Variants in TTBK1 observed in about 807,000 individuals in gnomAD.
TTBK1 encodes tau tubulin kinase 1.
Under a neutral mutation model 108.5 loss-of-function variants are expected in TTBK1, and 34 were observed. The ratio of observed to expected loss-of-function variants is 0.31; its 90% CI spans 0.24 to 0.42. The LOEUF (loss-of-function observed/expected upper bound fraction) is 0.42. Among genes scored for constraint, TTBK1 ranks in the 10% least tolerant of loss-of-function variants. The pLI is 1.00. For missense variants in TTBK1, 1,539 were observed against 1,826.0 expected (o/e 0.84, Z 2.86); for synonymous variants, 809 against 795.1 (o/e 1.02, Z -0.29).
intron 13 of TTBK1, chr6:43,270,413 T>TGG (rs1469282165): frequency 4.6e-6 from 4 of 876,804 alleles, no homozygotes; most frequent in African/African-American, 5.1e-5. Context: ...CCTCCTTGCA[T>TGG]GGTGTGTGTG....
intron 13 of TTBK1, among the ~76,000 whole-genome samples, chr6:43,280,314 A>T (rs929764580): frequency 1.3e-5 from 2 of 152,110 alleles, no homozygotes; most frequent in African/African-American, 4.8e-5. Context: ...TATTCCCCAT[A>T]GGTGTGGCAT....
At position 43,269,507 on chromosome 6, in the gene TTBK1, C is replaced by T; in HGVS notation, c.1986+6157C>T. ...TGGGGCGGGTGGTTTGCACCCTCCT[C>T]CACCCTGCCTGACCCCGCCCACTTG... On this transcript the variant is annotated intron_variant, in intron 13 of 14. Transcript: ENST00000259750. This position sits in a 1 kb window ranked among gnomAD's most constrained non-coding sequence, Gnocchi z 4.8. The T allele has an allele frequency of 9.8e-7, 1 of 1,019,362 alleles. No individual in the cohort carries two copies. The highest frequency in any genetic ancestry group is 1.4e-6 in the Non-Finnish European group (1 of 730,196). The allele number at this position is 1,019,362 out of a possible 1,614,324, so 63.1% of individuals were successfully genotyped here. A position where few individuals can be genotyped will look rare whatever the true frequency, so the allele number is the denominator to read the frequency against.
chr6:43,263,264 A>T lies in TTBK1; in HGVS notation c.1900A>T (p.Thr634Ser), dbSNP rs367727093. The T allele has an allele frequency of 4.7e-5, 72 of 1,540,120 alleles. 1 individual carries two copies. The African/African-American group carries it at 8.9e-4, about 19-fold the overall frequency. The change falls in exon 13 of 15, where the codon ACG (threonine) becomes TCG (serine). Residue 634 changes from threonine (T) to serine (S), a missense_variant. Thr to Ser is a moderately conservative substitution (Grantham distance 58). Around this residue, in one of 5 missense-constraint regions of TTBK1, gnomAD observed 1,055 missense variants for 1,086.5 expected, o/e 0.97. Transcript: ENST00000259750. This position sits in a 1 kb window ranked among gnomAD's most constrained non-coding sequence, Gnocchi z 4.7. ...CCGTTCCGAGACGTCACAGCCCCCC[A>T]CGCCTGGCAGCCCTTCCCACTCACC... ...DGRSETSQPP[T>S]PGSPSHSPLH...
Position 43,259,889 on chromosome 6 carries a change from G to T in TTBK1, c.1424+183G>T, listed in dbSNP as rs370804677. ...AGAGACAGGGCCTGGGAGAACCAGT[G>T]GGGGATCCAGAGAGGTCCCGGCTCA... On this transcript the variant is annotated intron_variant, in intron 12 of 14. Transcript: ENST00000259750. The surrounding 1 kb of genome is among the most constrained non-coding windows in gnomAD (Gnocchi z 6.7). Among the ~76,000 whole-genome samples, 1 of 152,204 alleles carries T rather than the reference G, an allele frequency of 6.6e-6. No homozygotes were observed. The highest frequency in any genetic ancestry group is 2.1e-4 in the South Asian group (1 of 4,828).
At chr6:43,278,084 G>A (rs1217049046) in intron 13 of TTBK1, among the ~76,000 whole-genome samples, 1 of 152,172 alleles carries the variant, frequency 6.6e-6, no homozygotes, top group East Asian at 1.9e-4. Context: ...GGGCTGGCTG[G>A]GGTCCAGGCA....
At position 43,283,266 on chromosome 6, in the gene TTBK1, C is replaced by A. The variant is rs754151759; in HGVS notation, c.2526C>A (p.Gly842=). The stretch of plus-strand genomic sequence containing the variant: ...AAACGCTGGTGCTTGTCTCTCCTGG[C>A]GACATGAAGAAGTCGCCCGTCACTG... ...GSKTLVLVSP[G]DMKKSPVTAE... The change falls in exon 14 of 15, where the codon GGC becomes GGA. Residue 842 remains glycine, a synonymous_variant. Coordinates refer to ENST00000259750, the MANE Select transcript of TTBK1 (RefSeq NM_032538.3). The surrounding 1 kb of genome is among the most constrained non-coding windows in gnomAD (Gnocchi z 8.1). The A allele has an allele frequency of 2.6e-6, 4 of 1,556,444 alleles. No homozygotes were observed. The South Asian group carries it at 3.5e-5, about 14-fold the overall frequency.
rs748282965 is a variant in TTBK1, at chr6:43,283,936, G to T, written c.3196G>T (p.Gly1066Cys). The T allele has an allele frequency of 8.1e-6, 13 of 1,612,956 alleles. No individual in the cohort carries two copies. Among genetic ancestry groups the T allele is most frequent in the Non-Finnish European group, 1.0e-5 (12 of 1,179,424 alleles). ...IPVLLSEEDT[G>C]SEPSGSLSAK... Reference sequence around the variant, plus strand: ...TGTCCTGCTCTCTGAGGAGGACACGGGCTCGGAGCCCTCAGGCTCACTGTC... The same window carrying T: ...TGTCCTGCTCTCTGAGGAGGACACGTGCTCGGAGCCCTCAGGCTCACTGTC... Residue 1066 changes from glycine to cysteine, a missense_variant, in exon 14 of 15, where the codon GGC (glycine) becomes TGC (cysteine). Coordinates refer to ENST00000259750, the MANE Select transcript of TTBK1 (RefSeq NM_032538.3). This position sits in a 1 kb window ranked among gnomAD's most constrained non-coding sequence, Gnocchi z 8.1.
At position 43,246,656 on chromosome 6, in the gene TTBK1, G is replaced by A. The variant is rs765507608; in HGVS notation, c.-5G>A. 1.9e-6 allele frequency: 3 copies of A among 1,595,818 alleles called. No homozygotes were observed. The highest frequency in any genetic ancestry group is 2.6e-6 in the Non-Finnish European group (3 of 1,170,256). ...CCGGCGGACACCCCTCCCTCTGGCT[G>A]GCGGATGCAGTGCCTAGCGGCCGCC... is the stretch of plus-strand genomic sequence containing the variant. On this transcript the variant is annotated 5_prime_UTR_variant, in exon 2 of 15. Transcript: ENST00000259750.
rs1322076695 is a variant in TTBK1 at position 43,263,184 on chromosome 6, A to G, written c.1820A>G (p.Asp607Gly). 1 of 1,580,878 alleles carries G rather than the reference A, an allele frequency of 6.3e-7. No individual in the cohort carries two copies. Among genetic ancestry groups the G allele is most frequent in the African/African-American group, 1.3e-5 (1 of 74,374 alleles). The change falls in exon 13 of 15, where the codon GAC (aspartate) becomes GGC (glycine). Residue 607 changes from aspartate to glycine, a missense_variant. Physicochemically the swap from Asp to Gly is moderately conservative, Grantham distance 94 (BLOSUM62 -1). Coordinates refer to ENST00000259750, the MANE Select transcript of TTBK1 (RefSeq NM_032538.3). This position sits in a 1 kb window ranked among gnomAD's most constrained non-coding sequence, Gnocchi z 4.7. ...GRSMQALAEE[D>G]LQHLPPQPLP... ...AGCATGCAGGCGCTGGCGGAGGAGG[A>G]CCTGCAGCATTTGCCGCCCCAGCCC...
chr6:43,260,942 AACACACACAC>A (rs747858530), intron 12 of TTBK1, among the ~76,000 whole-genome samples: 1 of 150,850 alleles, frequency 6.6e-6, no homozygotes, highest in Admixed American at 6.6e-5. Context: ...CACACATGCA[AACACACACAC>A]ACACACGCAC....
At chr6:43,280,247 T>C (rs1778118999) in intron 13 of TTBK1, among the ~76,000 whole-genome samples, 1 of 152,074 alleles carries the variant, frequency 6.6e-6, no homozygotes, top group Non-Finnish European at 1.5e-5. Flanking sequence ...TCCACCAGGC[T>C]TTGTGCTATT....
In TTBK1 at chr6:43,285,249, G is replaced by A. The variant is rs1389405893; in HGVS notation, c.3839G>A (p.Arg1280Gln). The change falls in exon 15 of 15, where the codon CGG (arginine) becomes CAG (glutamine). Residue 1280 changes from arginine (R) to glutamine (Q), a missense_variant. Coordinates refer to ENST00000259750, the MANE Select transcript of TTBK1 (RefSeq NM_032538.3). The surrounding 1 kb of genome is among the most constrained non-coding windows in gnomAD (Gnocchi z 4.7). ...VPPPRGVPPA[R>Q]AQPDGTPSPG... ...CCGCCCCGGGGCGTCCCGCCGGCCC[G>A]GGCCCAGCCTGATGGCACCCCCTCC... is the stretch of plus-strand genomic sequence containing the variant. 3 of 1,295,062 alleles carry A rather than the reference G, an allele frequency of 2.3e-6. No individual in the cohort carries two copies. The highest frequency in any genetic ancestry group is 3.1e-5 in the East Asian group (1 of 31,934). The allele number at this position is 1,295,062 out of a possible 1,614,324, so 80.2% of individuals were successfully genotyped here.
At chr6:43,246,853 G>A in intron 2 of TTBK1, 85 bp downstream of exon 2, 1 of 1,060,268 alleles carries the variant, frequency 9.4e-7, no homozygotes, top group Non-Finnish European at 1.4e-6. Context: ...GGTGCCCTCC[G>A]CTCCCCTACC....
intron 13 of TTBK1, among the ~76,000 whole-genome samples, chr6:43,274,456 A>G (rs1777911468): frequency 1.3e-5 from 2 of 152,032 alleles, no homozygotes; most frequent in South Asian, 4.2e-4. Flanking sequence ...AGCTGTGTAA[A>G]TGTATTTATA....
chr6:43,279,623 C>T (rs1234071604), intron 13 of TTBK1, among the ~76,000 whole-genome samples: 1 of 152,158 alleles, frequency 6.6e-6, no homozygotes, highest in Non-Finnish European at 1.5e-5. Flanking sequence ...GCAAAGTGTC[C>T]CAGCACAAGG....
rs1777296697 is a variant in TTBK1 at position 43,253,325 on chromosome 6, C to A, written c.291C>A (p.Gly97=). 6.2e-7 allele frequency: 1 copy of A among 1,614,100 alleles called. No homozygotes were observed. The highest frequency in any genetic ancestry group is 2.2e-5 in the East Asian group (1 of 44,882). ...KDHVCRFIGC[G]RNEKFNYVVM... The stretch of plus-strand genomic sequence containing the variant: ...ATGTGTGCAGGTTCATTGGCTGTGG[C>A]AGGAACGAGAAGTTTAACTATGTAG... Residue 97 remains glycine, a synonymous_variant, in exon 4 of 15, where the codon GGC becomes GGA. Coordinates refer to ENST00000259750, the MANE Select transcript of TTBK1 (RefSeq NM_032538.3). The surrounding 1 kb of genome is among the most constrained non-coding windows in gnomAD (Gnocchi z 5.8).
In TTBK1 at chr6:43,285,403, C is replaced by G. The variant is rs886482162; in HGVS notation, c.*27C>G. 1.6e-6 allele frequency: 2 copies of G among 1,258,772 alleles called. No individual in the cohort carries two copies. The highest frequency in any genetic ancestry group is 4.2e-5 in the Admixed American group (1 of 23,678). The allele number at this position is 1,258,772 out of a possible 1,614,324, so 78.0% of individuals were successfully genotyped here. ...GACGCCCGCTGCTCTCCGCGGTCCCCCACCCTCACCCCGGCCCCCCACCCG... is the reference window on the plus strand; with the variant it reads ...GACGCCCGCTGCTCTCCGCGGTCCCGCACCCTCACCCCGGCCCCCCACCCG... On this transcript the variant is annotated 3_prime_UTR_variant, in exon 15 of 15. Transcript: ENST00000259750. The surrounding 1 kb of genome is among the most constrained non-coding windows in gnomAD (Gnocchi z 4.7).
chr6:43,263,089 G>A lies in TTBK1; in HGVS notation c.1725G>A (p.Arg575=), dbSNP rs1777585154. The A allele has an allele frequency of 6.4e-7, 1 of 1,571,156 alleles. No individual in the cohort carries two copies. Among genetic ancestry groups the A allele is most frequent in the Non-Finnish European group, 8.6e-7 (1 of 1,158,290 alleles). The change falls in exon 13 of 15, where the codon CGG becomes CGA. Residue 575 remains arginine, a synonymous_variant. Transcript: ENST00000259750. The surrounding 1 kb of genome is among the most constrained non-coding windows in gnomAD (Gnocchi z 4.7). ...GTTDEEPEEL[R]PLPEEGEERR... ...CGGATGAGGAGCCCGAGGAGCTGCG[G>A]CCACTGCCCGAGGAGGGCGAAGAGC... is the stretch of plus-strand genomic sequence containing the variant.
At position 43,270,137 on chromosome 6, in the gene TTBK1, C is replaced by T. The variant is rs182730924; in HGVS notation, c.1986+6787C>T. 1.5e-5 allele frequency: 20 copies of T among 1,369,070 alleles called. No homozygotes were observed. In the East Asian group the frequency reaches 1.5e-4, roughly 10 times the overall value. The allele number at this position is 1,369,070 out of a possible 1,614,324, so 84.8% of individuals were successfully genotyped here. ...ATACTCCCACCCCAAGCAGAGTCTCCGTCCCACCTCCCCATCAGCTCCCTT... is the reference window on the plus strand; with the variant it reads ...ATACTCCCACCCCAAGCAGAGTCTCTGTCCCACCTCCCCATCAGCTCCCTT... On this transcript the variant is annotated intron_variant, in intron 13 of 14. Coordinates refer to ENST00000259750, the MANE Select transcript of TTBK1 (RefSeq NM_032538.3).
Sources: allele counts gnomAD v4.1 joint callset (sites outside exome capture counted in the v4.1 genomes callset), GRCh38; gene constraint gnomAD v4.1.1; regional missense constraint gnomAD v4.1.1; non-coding constraint Gnocchi (gnomAD v3.1); transcripts MANE v1.5; gene names NCBI Gene and HGNC (gene_info 2026-07-23, HGNC 2026-07-21).